NCAM2: variants seen among roughly 807,000 people sequenced by gnomAD.
NCAM2 encodes N-CAM-2.
Under a neutral mutation model 98.1 loss-of-function variants are expected in NCAM2, and 30 were observed. That is an observed-to-expected ratio of 0.31 (90% confidence interval 0.23 to 0.41). The LOEUF is 0.41. Ranked by LOEUF, NCAM2 falls within the 10% of genes least tolerant of loss-of-function variation. The probability of loss-of-function intolerance (pLI) is 1.00; values close to 1 mark genes in which losing one functional copy is unlikely to be tolerated. For synonymous variants in NCAM2, 368 were observed against 342.4 expected (o/e 1.07, Z -0.83); for missense variants, 867 against 1,005.8 (o/e 0.86, Z 1.87).
intron 1 of NCAM2, among the ~76,000 whole-genome samples, chr21:21,111,175 A>G (rs1357867393): frequency 1.3e-5 from 2 of 152,210 alleles, no homozygotes; most frequent in Non-Finnish European, 2.9e-5. Flanking sequence ...TTTATAATCT[A>G]TATTTCTAAG....
intron 5 of NCAM2, among the ~76,000 whole-genome samples, chr21:21,305,959 T>G (rs924857769): frequency 3.9e-5 from 6 of 152,278 alleles, no homozygotes; most frequent in South Asian, 4.1e-4. Context: ...GCCATTCATT[T>G]TAAAATGTTT....
intron 1 of NCAM2, among the ~76,000 whole-genome samples, chr21:21,264,961 G>GTTTATGTGTA (rs1568854824): frequency 3.5e-5 from 1 of 28,418 alleles, no homozygotes; most frequent in Non-Finnish European, 6.4e-5. Flanking sequence ...ATGTGTATGT[G>GTTTATGTGTA]TATATATACA....
Position 21,059,519 on chromosome 21 carries a change from G to A in NCAM2, c.55+60901G>A, listed in dbSNP as rs573921032. 8.5e-5 allele frequency among the ~76,000 whole-genome samples: 13 copies of A among 152,070 alleles called. No individual in the cohort carries two copies. The South Asian group carries it at 2.3e-3, about 27-fold the overall frequency. On this transcript the variant is annotated intron_variant, in intron 1 of 17. Transcript: ENST00000400546. ...TGGACTAAATGGCCATACTATTTAG[G>A]GAACCTAACATAAGAACCTTTTTAT...
intron 1 of NCAM2, among the ~76,000 whole-genome samples, chr21:21,123,166 G>A (rs1467156669): frequency 0.014 from 1 of 74 alleles, no homozygotes; most frequent in African/African-American, 0.12. Flanking sequence ...AGGCTGATGT[G>A]GGCCGGATCA....
At chr21:21,224,901 A>G (rs188383932) in intron 1 of NCAM2, among the ~76,000 whole-genome samples, 1 of 152,178 alleles carries the variant, frequency 6.6e-6, no homozygotes, top group Non-Finnish European at 1.5e-5. Flanking sequence ...GCTTCATTAT[A>G]TATTAGAATG....
intron 10 of NCAM2, among the ~76,000 whole-genome samples, chr21:21,416,123 A>T (rs2076989550): frequency 6.6e-6 from 1 of 152,202 alleles, no homozygotes; most frequent in Non-Finnish European, 1.5e-5. Flanking sequence ...TCTTCCTTTA[A>T]CATGAACACC....
chr21:21,503,299 T>G (rs233775), intron 15 of NCAM2, among the ~76,000 whole-genome samples: 125,189 of 151,722 alleles, frequency 0.83, 51,790 homozygotes, highest in Middle Eastern at 0.92. Context: ...ACAACAATTT[T>G]CCAGCATCGC....
chr21:21,296,108 C>T (rs1311500708), intron 5 of NCAM2, among the ~76,000 whole-genome samples: 8 of 151,822 alleles, frequency 5.3e-5, no homozygotes, highest in African/African-American at 1.9e-4. Flanking sequence ...TGTGCTTGGA[C>T]TACTAAAAGG....
intron 1 of NCAM2, among the ~76,000 whole-genome samples, chr21:21,220,213 G>A (rs774857122): frequency 1.2e-4 from 19 of 152,156 alleles, no homozygotes; most frequent in Non-Finnish European, 1.6e-4. Context: ...AGACCTTCAC[G>A]TGCACTCACC....
chr21:21,112,557 T>C (rs2066475482), intron 1 of NCAM2, among the ~76,000 whole-genome samples: 1 of 152,156 alleles, frequency 6.6e-6, no homozygotes, highest in Admixed American at 6.5e-5. Flanking sequence ...GTCCTTCTCA[T>C]CCGTCAAAGG....
chr21:21,300,270 T>C lies in NCAM2; in HGVS notation c.619+8029T>C, dbSNP rs1211648540. Among the ~76,000 whole-genome samples the C allele has an allele frequency of 2.0e-5, 3 of 152,060 alleles. No individual in the cohort carries two copies. In the East Asian group the frequency reaches 5.8e-4, roughly 30 times the overall value. On this transcript the variant is annotated intron_variant, in intron 5 of 17. Transcript: ENST00000400546. ...GGCCCTATTTGCAAACAAGATGATG[T>C]GTATGTTCACCTTGAACCACGAAGA... is the stretch of plus-strand genomic sequence containing the variant.
intron 6 of NCAM2, among the ~76,000 whole-genome samples, chr21:21,333,282 T>C (rs2074765657): frequency 1.3e-5 from 2 of 152,182 alleles, no homozygotes; most frequent in Non-Finnish European, 2.9e-5. Context: ...CTGTACACAC[T>C]TATGTTCTCT....
At chr21:21,364,424 G>A (rs1169037029) in intron 8 of NCAM2, among the ~76,000 whole-genome samples, 2 of 151,808 alleles carry the variant, frequency 1.3e-5, no homozygotes, top group African/African-American at 4.8e-5. Context: ...CATTCAGCAT[G>A]TCTCCATATT....
chr21:21,155,981 T>G (rs2067600096), intron 1 of NCAM2, among the ~76,000 whole-genome samples: 1 of 152,116 alleles, frequency 6.6e-6, no homozygotes, highest in South Asian at 2.1e-4. Context: ...TTCATTTTCA[T>G]CTATGTGGAA....
intron 1 of NCAM2, among the ~76,000 whole-genome samples, chr21:21,184,313 T>TA (rs75082038): frequency 2.4e-3 from 332 of 140,974 alleles, no homozygotes; most frequent in African/African-American, 6.7e-3. Context: ...ATTTATAAAA[T>TA]AAAAAAAAAA....
At position 21,539,091 on chromosome 21, in the gene NCAM2, A is replaced by G. The variant is rs950158905; in HGVS notation, c.*1134A>G. 6.6e-6 allele frequency: 1 copy of G among 152,190 alleles called. No individual in the cohort carries two copies. The highest frequency in any genetic ancestry group is 1.5e-5 in the Non-Finnish European group (1 of 68,024). 9.4% of individuals were successfully genotyped at this position (152,190 alleles called of 1,614,324 possible). A position where few individuals can be genotyped will look rare whatever the true frequency, so the allele number is the denominator to read the frequency against. On this transcript the variant is annotated 3_prime_UTR_variant, in exon 18 of 18. Coordinates refer to ENST00000400546, the MANE Select transcript of NCAM2 (RefSeq NM_004540.5). ...GTTCTATTCCGGATGTTCTAGCTAG[A>G]AGTCATTTTAAGATTTTGATAAACA...
At chr21:21,432,728 T>C (rs1250410096) in intron 12 of NCAM2, among the ~76,000 whole-genome samples, 1 of 152,118 alleles carries the variant, frequency 6.6e-6, no homozygotes, top group African/African-American at 2.4e-5. Context: ...TGTTTACTTT[T>C]TGTATTTTTA....
chr21:21,183,806 G>A (rs1451160115), intron 1 of NCAM2, among the ~76,000 whole-genome samples: 1 of 151,846 alleles, frequency 6.6e-6, no homozygotes, highest in Admixed American at 6.6e-5. Context: ...TGACCAAGAA[G>A]ACTAAGTGTC....
intron 9 of NCAM2, among the ~76,000 whole-genome samples, chr21:21,383,915 A>T (rs1175564690): frequency 9.9e-5 from 15 of 152,092 alleles, no homozygotes; most frequent in Admixed American, 3.9e-4. Flanking sequence ...TACAAAATTT[A>T]AAAAAGTGTT....
Sources: gnomAD v4.1 joint callset for allele counts (sites outside exome capture counted in the v4.1 genomes callset) on GRCh38, gnomAD v4.1.1 for gene constraint, MANE v1.5 for transcripts, NCBI Gene and HGNC (gene_info 2026-07-23, HGNC 2026-07-21) for gene names.